The following PKP3 variants were observed in gnomAD, a reference collection of about 807,000 sequenced individuals.
PKP3 encodes the protein plakophilin-3.
PKP3 carries 66 observed loss-of-function variants against 76.5 expected under a neutral mutation model. The observed-to-expected ratio is 0.86, with a 90% CI of 0.71 to 1.06. PKP3 has a LOEUF of 1.06. PKP3 is among the 50% of genes least tolerant of loss of function. The pLI, the probability that PKP3 is intolerant of heterozygous loss-of-function variation, is 0.00. For synonymous variants in PKP3, 638 were observed against 516.5 expected, an observed-to-expected ratio of 1.24 and a Z score of -3.19; for missense variants, 1,338 against 1,141.0, an observed-to-expected ratio of 1.17 and a Z score of -2.49.
chr11:392,755 C>G (rs760083381), upstream of PKP3: 60 of 1,077,508 alleles, frequency 5.6e-5, 1 homozygote, highest in African/African-American at 9.3e-4. Flanking sequence ...ACCTGGTGGC[C>G]CCAGCCCGGG....
Position 404,461 on chromosome 11 carries a change from T to A in PKP3, c.2359-73T>A. ...AGGGTCCGGGCCACACCCAGCACAC[T>A]GCAGGAGGGACAGCGGGCAGAGGGC... On this transcript the variant is annotated intron_variant, in intron 12 of 12. Transcript: ENST00000331563. This position sits in a 1 kb window ranked among gnomAD's most constrained non-coding sequence, Gnocchi z 4.2. 1 of 1,550,916 alleles carries A rather than the reference T, an allele frequency of 6.4e-7. No homozygotes were observed. Among genetic ancestry groups the A allele is most frequent in the Non-Finnish European group, 8.9e-7 (1 of 1,123,654 alleles).
upstream of PKP3, chr11:392,773 C>T (rs1017941572): frequency 7.0e-5 from 62 of 880,752 alleles, no homozygotes; most frequent in Non-Finnish European, 9.5e-5. Flanking sequence ...GGGCCTCACC[C>T]ATCCTTTCAG....
chr11:396,617 G>A lies in PKP3; in HGVS notation c.242G>A (p.Arg81Lys), dbSNP rs1244259640. 1.2e-6 allele frequency: 2 copies of A among 1,605,976 alleles called. No homozygotes were observed. Among genetic ancestry groups the A allele is most frequent in the South Asian group, 1.1e-5 (1 of 90,480 alleles). ...CCGTCCCTCTCCACAGGCACATCCA[G>A]GGGGCAGTACCACACCCTGCAGGCT... ...PEAETARGTS[R>K]GQYHTLQAGF... The change falls in exon 2 of 13, where the codon AGG becomes AAG. Residue 81 changes from arginine (R) to lysine (K), a missense_variant. Coordinates refer to ENST00000331563, the MANE Select transcript of PKP3 (RefSeq NM_007183.4).
At position 397,023 on chromosome 11, in the gene PKP3, C is replaced by T. The variant is rs375315834; in HGVS notation, c.522C>T (p.Ala174=). 6.3e-6 allele frequency: 10 copies of T among 1,599,640 alleles called. No individual in the cohort carries two copies. Among genetic ancestry groups the T allele is most frequent in the Middle Eastern group, 1.6e-4 (1 of 6,074 alleles). ...AGCGCGGTGGGGTTGGGAGCCGGGC[C>T]GACTATGACACACTCTCCCTGCGCT... ...FHERGGVGSR[A]DYDTLSLRSL... The change falls in exon 3 of 13, where the codon GCC becomes GCT. Residue 174 remains alanine (A), a synonymous_variant. Coordinates refer to ENST00000331563, the MANE Select transcript of PKP3 (RefSeq NM_007183.4).
chr11:397,002 C>T lies in PKP3; in HGVS notation c.501C>T (p.Arg167=), dbSNP rs753525045. ...CCAGGCCCGTGTCCTTCCATGAGCG[C>T]GGTGGGGTTGGGAGCCGGGCCGACT... ...MPTRPVSFHE[R]GGVGSRADYD... The change falls in exon 3 of 13, where the codon CGC becomes CGT. Residue 167 remains arginine, a synonymous_variant. Transcript: ENST00000331563. The T allele has an allele frequency of 4.4e-6, 7 of 1,599,858 alleles. No homozygotes were observed. Among genetic ancestry groups the T allele is most frequent in the South Asian group, 3.3e-5 (3 of 91,004 alleles).
chr11:403,656 G>GCGTAT lies in PKP3; in HGVS notation c.1963_1967dup (p.Leu657ValfsTer3), dbSNP rs750695546. 2.2e-5 allele frequency: 35 copies of GCGTAT among 1,609,534 alleles called. No individual in the cohort carries two copies. Among genetic ancestry groups the GCGTAT allele is most frequent in the Non-Finnish European group, 2.8e-5 (33 of 1,179,852 alleles). ...TGAGCCGCCTGGCCCTGGAGCAGGAGCGTATTCTGAACCCCCTGCTAGACC... is the reference window on the plus strand; with the variant it reads ...TGAGCCGCCTGGCCCTGGAGCAGGAGCGTATCGTATTCTGAACCCCCTGCTAGACC... On this transcript the variant is annotated frameshift_variant, in exon 10 of 13. Transcript: ENST00000331563. LOFTEE classifies it high-confidence loss of function.
At position 403,116 on chromosome 11, in the gene PKP3, G is replaced by A. The variant is rs748051352; in HGVS notation, c.1776G>A (p.Val592=). The A allele has an allele frequency of 1.3e-6, 2 of 1,558,264 alleles. No homozygotes were observed. The highest frequency in any genetic ancestry group is 2.4e-5 in the South Asian group (2 of 85,014). The part of the protein sequence containing the change: ...LAADALTFAE[V]SKDPKGLEWL... ...CCGATGCGCTCACCTTCGCGGAGGT[G>A]TCCAAGGACCCCAAGGGCCTCGAGT... is the stretch of plus-strand genomic sequence containing the variant. Residue 592 remains valine (V), a synonymous_variant, in exon 9 of 13, where the codon GTG becomes GTA. Transcript: ENST00000331563.
rs1043238720 is a variant in PKP3 at position 394,234 on chromosome 11, C to T, written c.-59C>T. 5.6e-6 allele frequency: 8 copies of T among 1,436,396 alleles called. No individual in the cohort carries two copies. The highest frequency in any genetic ancestry group is 1.9e-4 in the Middle Eastern group (1 of 5,140). The allele number at this position is 1,436,396 out of a possible 1,614,324, so 89.0% of individuals were successfully genotyped here. A position where few individuals can be genotyped will look rare whatever the true frequency, so the allele number is the denominator to read the frequency against. ...AGGGAGAGGGCCTCGAGGGACAGGA[C>T]GTGAAGATAGTTGGGTTTGGAGGCG... On this transcript the variant is annotated 5_prime_UTR_variant, in exon 1 of 13. In the 5' UTR this introduces an upstream ATG that the reference lacks. Transcript: ENST00000331563.
chr11:399,824 AG>A, intron 5 of PKP3, 142 bp from the exon 6 acceptor site: 1 of 659,094 alleles, frequency 1.5e-6, no homozygotes, highest in African/African-American at 1.8e-5. Flanking sequence ...ATGCCACCCC[AG>A]GGTCTCCCCA....
In PKP3 at chr11:398,064, C is replaced by T. The variant is rs1479930370; in HGVS notation, c.1068+402C>T. On this transcript the variant is annotated intron_variant, in intron 4 of 12. Transcript: ENST00000331563. Reference sequence around the variant, plus strand: ...CCCCCGCACACACCTGCGTCACCTCCGTACCCCCGCACACACCTCCGTCAC... The same window carrying T: ...CCCCCGCACACACCTGCGTCACCTCTGTACCCCCGCACACACCTCCGTCAC... Among the ~76,000 whole-genome samples, 5 of 102,372 alleles carry T rather than the reference C, an allele frequency of 4.9e-5. No individual in the cohort carries two copies. In the South Asian group the frequency reaches 1.1e-3, roughly 23 times the overall value. The allele number at this position is 102,372 out of a possible 152,430, so 67.2% of individuals were successfully genotyped here.
At chr11:403,342 G>A (rs989803861) in intron 9 of PKP3, 79 bp downstream of exon 9, 2 of 1,173,002 alleles carry the variant, frequency 1.7e-6, no homozygotes, top group African/African-American at 1.6e-5. Context: ...GAGAGGGAGG[G>A]GAGGAGGAAG....
chr11:404,500 A>C lies in PKP3; in HGVS notation c.2359-34A>C. On this transcript the variant is annotated intron_variant, in intron 12 of 12. Coordinates refer to ENST00000331563, the MANE Select transcript of PKP3 (RefSeq NM_007183.4). The surrounding 1 kb of genome is among the most constrained non-coding windows in gnomAD (Gnocchi z 4.2). ...CGGGCAGAGGGCCACATGGGCAGACATGCACCCTGACCTTGGGCCTCTCTC... is the reference window on the plus strand; with the variant it reads ...CGGGCAGAGGGCCACATGGGCAGACCTGCACCCTGACCTTGGGCCTCTCTC... 6.2e-7 allele frequency: 1 copy of C among 1,610,758 alleles called. No homozygotes were observed. The highest frequency in any genetic ancestry group is 8.5e-7 in the Non-Finnish European group (1 of 1,178,146).
In PKP3 at chr11:403,469, C is replaced by T. The variant is rs529832343; in HGVS notation, c.1924-149C>T. 2.6e-4 allele frequency: 222 copies of T among 842,484 alleles called. 1 individual carries two copies. The highest frequency in any genetic ancestry group is 3.5e-4 in the Non-Finnish European group (192 of 550,076). The allele number at this position is 842,484 out of a possible 1,614,324, so 52.2% of individuals were successfully genotyped here. The stretch of plus-strand genomic sequence containing the variant: ...GAAGGGAGGCACCTGATCCGGGCTG[C>T]GGCTGATTCCCCCCGGCTGGGGGGC... On this transcript the variant is annotated intron_variant, in intron 9 of 12. Coordinates refer to ENST00000331563, the MANE Select transcript of PKP3 (RefSeq NM_007183.4).
chr11:394,074 C>T (rs2133592609), upstream of PKP3: 2 of 621,818 alleles, frequency 3.2e-6, no homozygotes, highest in East Asian at 3.7e-5. Flanking sequence ...TGTTCTTCCG[C>T]CCAAATTCCA....
chr11:398,912 C>A lies in PKP3; in HGVS notation c.1069-80C>A, dbSNP rs987856686. The A allele has an allele frequency of 9.6e-6, 11 of 1,145,106 alleles. 1 individual carries two copies. The highest frequency in any genetic ancestry group is 2.7e-4 in the Middle Eastern group (1 of 3,724). The allele number at this position is 1,145,106 out of a possible 1,614,324, so 70.9% of individuals were successfully genotyped here. ...TCCCCTGCATATCTACATCTACGCACCTGGACACAGCTGCACACAGGTGCA... is the reference window on the plus strand; with the variant it reads ...TCCCCTGCATATCTACATCTACGCAACTGGACACAGCTGCACACAGGTGCA... On this transcript the variant is annotated intron_variant, in intron 4 of 12. Transcript: ENST00000331563.
At chr11:396,484 C>T in intron 1 of PKP3, 124 bp from the exon 2 acceptor site, 3 of 646,784 alleles carry the variant, frequency 4.6e-6, no homozygotes. Flanking sequence ...GCCCCCCTGG[C>T]CTCCCTGCCC....
rs1847071540 is a variant in PKP3, at chr11:397,595, A to G, written c.1001A>G (p.Asn334Ser). Residue 334 changes from asparagine (N) to serine (S), a missense_variant, in exon 4 of 13, where the codon AAC (asparagine) becomes AGC (serine). By Grantham distance (46) the Asn-to-Ser change is conservative (BLOSUM62 1). Transcript: ENST00000331563. ...AAGTACCTCATGGCTTCAGACCCCAACCTGCAGGTGCTGGGAGCGGCCTAC... is the reference window on the plus strand; with the variant it reads ...AAGTACCTCATGGCTTCAGACCCCAGCCTGCAGGTGCTGGGAGCGGCCTAC... ...AVKYLMASDP[N>S]LQVLGAAYIQ... 3 of 1,612,066 alleles carry G rather than the reference A, an allele frequency of 1.9e-6. No homozygotes were observed. Among genetic ancestry groups the G allele is most frequent in the Non-Finnish European group, 2.5e-6 (3 of 1,179,504 alleles).
chr11:394,119 GCCAGGTGTCCCCGCCC>G, upstream of PKP3: 2 of 1,036,290 alleles, frequency 1.9e-6, no homozygotes, highest in South Asian at 4.3e-5. Context: ...CTCCCACCTG[GCCAGGTGTCCCCGCCC>G]CCAGCTGCGC....
intron 1 of PKP3, 75 bp from the exon 2 acceptor site, chr11:396,533 G>C: frequency 9.6e-7 from 1 of 1,043,800 alleles, no homozygotes; most frequent in Non-Finnish European, 1.4e-6. Flanking sequence ...AATAGCGATG[G>C]AGTGGTGGAG....
Sources: gnomAD v4.1 joint callset for allele counts (sites outside exome capture counted in the v4.1 genomes callset) on GRCh38, gnomAD v4.1.1 for gene constraint, Gnocchi (gnomAD v3.1) non-coding constraint, MANE v1.5 for transcripts, NCBI Gene and HGNC (gene_info 2026-07-23, HGNC 2026-07-21) for gene names.